Variants in PRDM16 observed in about 807,000 individuals in gnomAD.
PRDM16 encodes PR/SET domain 16.
In PRDM16, 23 loss-of-function variants were observed where a neutral mutation model predicts 110.6. The ratio of observed to expected loss-of-function variants is 0.21; its 90% CI spans 0.15 to 0.29. The LOEUF (loss-of-function observed/expected upper bound fraction) is 0.29, where lower values mean the gene tolerates loss of function less well. PRDM16 is among the 10% of genes least tolerant of loss of function. The probability of loss-of-function intolerance (pLI) is 1.00; values close to 1 mark genes in which losing one functional copy is unlikely to be tolerated. For missense variants in PRDM16, 1,615 were observed against 1,794.3 expected (o/e 0.90, Z 1.81); for synonymous variants, 799 against 781.8 (o/e 1.02, Z -0.37).
chr1:3,420,986 C>T (rs932158250), intron 12 of PRDM16, among the ~76,000 whole-genome samples: 8 of 152,236 alleles, frequency 5.3e-5, no homozygotes, highest in South Asian at 2.1e-4. Context: ...CCTAGTCTGC[C>T]GTGTGCTTCC....
chr1:3,375,412 T>A (rs1438073660), intron 3 of PRDM16, among the ~76,000 whole-genome samples: 5 of 152,224 alleles, frequency 3.3e-5, no homozygotes, highest in Non-Finnish European at 7.3e-5. Context: ...AGAACCTGGG[T>A]CTGAGTCACC....
At chr1:3,166,105 C>T (rs916025405) in intron 1 of PRDM16, among the ~76,000 whole-genome samples, 9 of 152,344 alleles carry the variant, frequency 5.9e-5, no homozygotes, top group East Asian at 1.9e-4. Flanking sequence ...GTCTGAGTGG[C>T]GCATGGGAAC....
intron 12 of PRDM16, among the ~76,000 whole-genome samples, chr1:3,421,813 A>G (rs972786633): frequency 2.5e-4 from 38 of 152,396 alleles, no homozygotes; most frequent in Middle Eastern, 3.4e-3. Context: ...GCATTTCCAA[A>G]GAAACCAGGA....
intron 2 of PRDM16, among the ~76,000 whole-genome samples, chr1:3,200,803 CA>C (rs1402707391): frequency 1.3e-5 from 2 of 152,182 alleles, no homozygotes; most frequent in African/African-American, 4.8e-5. Flanking sequence ...GTGTCTCCTG[CA>C]CCTAATCCCA....
intron 2 of PRDM16, among the ~76,000 whole-genome samples, chr1:3,202,413 G>A (rs1163468241): frequency 6.6e-6 from 1 of 152,116 alleles, no homozygotes; most frequent in East Asian, 1.9e-4. Context: ...GCCCTGTGGG[G>A]CCCCTGTGCA....
chr1:3,355,543 A>T (rs1445595101), intron 3 of PRDM16, among the ~76,000 whole-genome samples: 1 of 152,116 alleles, frequency 6.6e-6, no homozygotes, highest in African/African-American at 2.4e-5. Context: ...GGAGTTTTGC[A>T]GGGACCCTGA....
chr1:3,280,511 A>G (rs1640691158), intron 3 of PRDM16, among the ~76,000 whole-genome samples: 1 of 152,024 alleles, frequency 6.6e-6, no homozygotes, highest in South Asian at 2.1e-4. Context: ...GTGCGGAGGG[A>G]CGGCGTACAT....
intron 1 of PRDM16, among the ~76,000 whole-genome samples, chr1:3,182,799 C>T (rs112713649): frequency 0.025 from 3,817 of 152,292 alleles, 167 homozygotes; most frequent in African/African-American, 0.086. Flanking sequence ...TGAAGATCCC[C>T]AAGCACATAG....
chr1:3,269,996 G>C (rs1386982325), intron 3 of PRDM16, among the ~76,000 whole-genome samples: 6 of 150,816 alleles, frequency 4.0e-5, no homozygotes, highest in African/African-American at 1.2e-4. Context: ...ACAGTCAGGG[G>C]AGCATAGTCC....
rs187552147 is a variant in PRDM16, at chr1:3,104,437, G to A, written c.37+35141G>A. 2.0e-5 allele frequency among the ~76,000 whole-genome samples: 3 copies of A among 152,368 alleles called. No individual in the cohort carries two copies. In the East Asian group the frequency reaches 5.8e-4, roughly 29 times the overall value. Reference sequence around the variant, plus strand: ...AAGCTCCAGTGAACAGGCAGAGGCTGCCCGGGGAGGGACAGTGCTAGAGAG... The same window carrying A: ...AAGCTCCAGTGAACAGGCAGAGGCTACCCGGGGAGGGACAGTGCTAGAGAG... On this transcript the variant is annotated intron_variant, in intron 1 of 16. Coordinates refer to ENST00000270722, the MANE Select transcript of PRDM16 (RefSeq NM_022114.4).
intron 3 of PRDM16, among the ~76,000 whole-genome samples, chr1:3,313,740 G>C (rs546053849): frequency 1.1e-4 from 16 of 152,168 alleles, no homozygotes; most frequent in South Asian, 4.1e-4. Flanking sequence ...CTGCCCCGGC[G>C]GGCCTGGGAT....
At chr1:3,371,410 C>A (rs1235038075) in intron 3 of PRDM16, among the ~76,000 whole-genome samples, 1 of 151,854 alleles carries the variant, frequency 6.6e-6, no homozygotes, top group Non-Finnish European at 1.5e-5. Flanking sequence ...ATCCATCCAC[C>A]CATTCATCCA....
intron 1 of PRDM16, among the ~76,000 whole-genome samples, chr1:3,122,125 G>C (rs1249374270): frequency 6.6e-6 from 1 of 152,174 alleles, no homozygotes; most frequent in Admixed American, 6.5e-5. Context: ...GTCCAGCCAT[G>C]GCCTGGACAC....
chr1:3,262,413 C>G (rs550434151), intron 3 of PRDM16, among the ~76,000 whole-genome samples: 1 of 152,370 alleles, frequency 6.6e-6, no homozygotes, highest in East Asian at 1.9e-4. Context: ...AAAAATTCAA[C>G]CAGACCGAGC....
chr1:3,108,304 A>G (rs1429053558), intron 1 of PRDM16, among the ~76,000 whole-genome samples: 2 of 152,156 alleles, frequency 1.3e-5, no homozygotes, highest in Admixed American at 6.5e-5. Context: ...TCAACCCACC[A>G]ATGGTGAATT....
chr1:3,120,298 G>A (rs767913569), intron 1 of PRDM16, among the ~76,000 whole-genome samples: 2 of 152,146 alleles, frequency 1.3e-5, no homozygotes, highest in Non-Finnish European at 2.9e-5. Flanking sequence ...CTCCCCTCCC[G>A]GGGCACTGGA....
chr1:3,277,929 C>G (rs952507129), intron 3 of PRDM16, among the ~76,000 whole-genome samples: 1 of 152,232 alleles, frequency 6.6e-6, no homozygotes, highest in Admixed American at 6.5e-5. Context: ...AGCACACGCA[C>G]TTTTCCAACA....
chr1:3,194,569 T>C (rs368259768), intron 2 of PRDM16, among the ~76,000 whole-genome samples: 29 of 142,698 alleles, frequency 2.0e-4, no homozygotes, highest in African/African-American at 6.2e-4. Context: ...AACTGGCCAC[T>C]GTCTCCCCAC....
chr1:3,341,307 G>T (rs1642267299), intron 3 of PRDM16, among the ~76,000 whole-genome samples: 1 of 152,186 alleles, frequency 6.6e-6, no homozygotes, highest in South Asian at 2.1e-4. Context: ...GAGTGACCAG[G>T]GCTCACCTGT....
Sources: gnomAD v4.1 joint callset for allele counts (sites outside exome capture counted in the v4.1 genomes callset) on GRCh38, gnomAD v4.1.1 for gene constraint, MANE v1.5 for transcripts, NCBI Gene and HGNC (gene_info 2026-07-23, HGNC 2026-07-21) for gene names.